The following COG6 variants were observed in gnomAD, a reference collection of about 807,000 sequenced individuals.
The protein encoded by COG6 is component of oligomeric golgi complex 6, also known as conserved oligomeric Golgi complex subunit 6.
COG6 carries 74 observed loss-of-function variants against 88.8 expected under a neutral mutation model. The observed-to-expected ratio is 0.83, with a 90% confidence interval of 0.69 to 1.01. The LOEUF (loss-of-function observed/expected upper bound fraction) is 1.01. Among genes scored for constraint, COG6 ranks in the 50% least tolerant of loss-of-function variants. The pLI, the probability that COG6 is intolerant of heterozygous loss-of-function variation, is 0.00. For synonymous variants in COG6, 286 were observed against 278.7 expected (o/e 1.03, Z -0.26); for missense variants, 800 against 797.9 (o/e 1.00, Z -0.03).
intron 13 of COG6, among the ~76,000 whole-genome samples, chr13:39,717,607 C>T (rs1878598915): frequency 6.6e-6 from 1 of 152,090 alleles, no homozygotes; most frequent in African/African-American, 2.4e-5. Context: ...CAGTTCACAC[C>T]TGTAATGATA....
At position 39,694,543 on chromosome 13, in the gene COG6, A is replaced by T. The variant is rs1322799225; in HGVS notation, c.1075-91A>T. 6 of 764,256 alleles carry T rather than the reference A, an allele frequency of 7.9e-6. No individual in the cohort carries two copies. The Admixed American group carries it at 1.1e-4, about 14-fold the overall frequency. 47.3% of individuals were successfully genotyped at this position (764,256 alleles called of 1,614,324 possible). A position where few individuals can be genotyped will look rare whatever the true frequency, so the allele number is the denominator to read the frequency against. On this transcript the variant is annotated intron_variant, in intron 11 of 18. Transcript: ENST00000455146. The stretch of plus-strand genomic sequence containing the variant: ...GTGATCTCTGCAGTAATAAAATTTT[A>T]TCTTTGTTATGCTATTCATACCATA...
chr13:39,713,988 T>C (rs545186360), intron 13 of COG6, among the ~76,000 whole-genome samples: 1 of 152,324 alleles, frequency 6.6e-6, no homozygotes, highest in East Asian at 1.9e-4. Context: ...AAACACCTCA[T>C]AGAATGGCAG....
At chr13:39,784,946 A>G (rs1050053559) in intron 18 of COG6, among the ~76,000 whole-genome samples, 1 of 152,162 alleles carries the variant, frequency 6.6e-6, no homozygotes, top group Non-Finnish European at 1.5e-5. Flanking sequence ...TGAGCAATGT[A>G]TTAGGGAAGA....
intron 13 of COG6, among the ~76,000 whole-genome samples, chr13:39,718,592 AAACTT>A: frequency 6.6e-6 from 1 of 152,144 alleles, no homozygotes; most frequent in Non-Finnish European, 1.5e-5. Context: ...GAAGCTCTGA[AAACTT>A]AAGTAACTTG....
At chr13:39,772,435 A>G (rs1566045606) in intron 18 of COG6, among the ~76,000 whole-genome samples, 3 of 152,228 alleles carry the variant, frequency 2.0e-5, no homozygotes, top group Admixed American at 6.5e-5. Flanking sequence ...TCCTGCCCTC[A>G]GGGAGCTTGT....
intron 13 of COG6, among the ~76,000 whole-genome samples, chr13:39,707,589 C>T (rs1432877938): frequency 6.6e-6 from 1 of 152,172 alleles, no homozygotes. Context: ...AATATCTAAC[C>T]CCGGTGTAAA....
At chr13:39,790,341 T>C (rs1279753027) in exon 19 of COG6, 1 of 152,180 alleles carries the variant, frequency 6.6e-6, no homozygotes, top group Non-Finnish European at 1.5e-5. Context: ...TAAAATTGTG[T>C]AGCCTGGTAT....
At chr13:39,763,289 A>G (rs763477202) in intron 18 of COG6, among the ~76,000 whole-genome samples, 7 of 151,768 alleles carry the variant, frequency 4.6e-5, no homozygotes, top group Non-Finnish European at 8.9e-5. Context: ...CACACAATCT[A>G]TATAATTAGT....
chr13:39,752,690 A>G (rs1880705526), downstream of COG6: 1 of 1,161,692 alleles, frequency 8.6e-7, no homozygotes, highest in African/African-American at 1.6e-5. Context: ...TGTTTTTAGA[A>G]AATGCACTAA....
intron 18 of COG6, among the ~76,000 whole-genome samples, chr13:39,731,122 A>G (rs1879424890): frequency 6.6e-6 from 1 of 152,036 alleles, no homozygotes. Context: ...CTCCCGGCCT[A>G]AAGCAAATTT....
At position 39,679,553 on chromosome 13, in the gene COG6, C is replaced by A. The variant is rs781524524; in HGVS notation, c.556C>A (p.Leu186Met). 4.5e-5 allele frequency: 72 copies of A among 1,590,648 alleles called. No individual in the cohort carries two copies. The highest frequency in any genetic ancestry group is 5.9e-5 in the Non-Finnish European group (68 of 1,158,896). The change falls in exon 6 of 19, where the codon CTG (leucine) becomes ATG (methionine). Residue 186 changes from leucine (L) to methionine (M), a missense_variant. Leu to Met is a conservative substitution (Grantham distance 15, BLOSUM62 2). Transcript: ENST00000455146. ...GPITEDFFKA[L>M]GRVKQIHNDV... ...AATTTTAAAGGATTTTTTCAAGGCA[C>A]TGGGAAGAGTAAAACAGATTCATAA...
chr13:39,754,127 C>T (rs537637417), downstream of COG6, among the ~76,000 whole-genome samples: 5 of 152,222 alleles, frequency 3.3e-5, no homozygotes, highest in South Asian at 1.0e-3. Flanking sequence ...TTTCATTAAC[C>T]CAACCCCCTT....
At position 39,752,361 on chromosome 13, in the gene COG6, A is replaced by C; in HGVS notation, c.*1268A>C. 3 of 897,318 alleles carry C rather than the reference A, an allele frequency of 3.3e-6. No homozygotes were observed. Among genetic ancestry groups the C allele is most frequent in the Non-Finnish European group, 4.6e-6 (3 of 656,340 alleles). 55.6% of individuals were successfully genotyped at this position (897,318 alleles called of 1,614,324 possible). A position where few individuals can be genotyped will look rare whatever the true frequency, so the allele number is the denominator to read the frequency against. ...TTATCTGAAGTTTATAATTGTTTAT[A>C]CCTAATACAGTTCTTTTTGGAGTAA... On this transcript the variant is annotated 3_prime_UTR_variant, in exon 19 of 19. Transcript: ENST00000455146.
intron 18 of COG6, among the ~76,000 whole-genome samples, chr13:39,780,051 C>T (rs1317211270): frequency 6.6e-6 from 1 of 152,156 alleles, no homozygotes; most frequent in South Asian, 2.1e-4. Flanking sequence ...GCTATCTGCT[C>T]CAGTCAAAGT....
intron 13 of COG6, among the ~76,000 whole-genome samples, chr13:39,702,027 A>C (rs1431245308): frequency 6.6e-6 from 1 of 152,056 alleles, no homozygotes; most frequent in Non-Finnish European, 1.5e-5. Context: ...ATTAGAGACA[A>C]TCCACAGATG....
downstream of COG6, chr13:39,752,656 C>A: frequency 8.0e-7 from 1 of 1,245,060 alleles, no homozygotes; most frequent in Non-Finnish European, 1.0e-6. Flanking sequence ...TGCAGCTGTC[C>A]TGTAGATATA....
chr13:39,780,432 A>G (rs1881595128), intron 18 of COG6, among the ~76,000 whole-genome samples: 1 of 152,192 alleles, frequency 6.6e-6, no homozygotes. Context: ...TGTCCCTTCT[A>G]TTCAAAGACA....
chr13:39,730,592 G>C (rs912548110), intron 18 of COG6, among the ~76,000 whole-genome samples: 14 of 151,284 alleles, frequency 9.3e-5, no homozygotes, highest in Admixed American at 2.0e-4. Context: ...TTGCCAATAT[G>C]GTGAAACCCT....
At position 39,719,552 on chromosome 13, in the gene COG6, G is replaced by C; in HGVS notation, c.1417-108G>C. 3.3e-6 allele frequency: 4 copies of C among 1,221,044 alleles called. No homozygotes were observed. The South Asian group carries it at 5.0e-5, about 15-fold the overall frequency. The allele number at this position is 1,221,044 out of a possible 1,614,324, so 75.6% of individuals were successfully genotyped here. On this transcript the variant is annotated intron_variant, in intron 14 of 18. Coordinates refer to ENST00000455146, the MANE Select transcript of COG6 (RefSeq NM_020751.3). ...ATTTATGTTTAATCTTTTCCTACGT[G>C]CTTCTATAAATTGGCTTCCTTCCAA...
Sources: gnomAD v4.1 joint callset for allele counts (sites outside exome capture counted in the v4.1 genomes callset) on GRCh38, gnomAD v4.1.1 for gene constraint, MANE v1.5 for transcripts, NCBI Gene and HGNC (gene_info 2026-07-23, HGNC 2026-07-21) for gene names.